Variants in TTC39C observed in about 807,000 individuals in gnomAD.
The protein encoded by TTC39C is tetratricopeptide repeat domain 39C, also known as tetratricopeptide repeat protein 39C.
TTC39C carries 33 observed loss-of-function variants against 76.3 expected under a neutral mutation model. That is an observed-to-expected ratio of 0.43 (90% CI 0.33 to 0.58). The LOEUF (loss-of-function observed/expected upper bound fraction) is 0.58. Among genes scored for constraint, TTC39C ranks in the 20% least tolerant of loss-of-function variants. TTC39C has a pLI of 0.04. For synonymous variants in TTC39C, 254 were observed against 260.6 expected (o/e 0.97, Z 0.24); for missense variants, 595 against 701.4 (o/e 0.85, Z 1.71).
intron 1 of TTC39C, among the ~76,000 whole-genome samples, chr18:24,002,865 C>T (rs10502442): frequency 0.074 from 11,328 of 152,244 alleles, 475 homozygotes; most frequent in Middle Eastern, 0.19. Context: ...AGAGAACTAA[C>T]AATTTCACAC....
At chr18:23,995,553 T>C (rs975246500) in intron 1 of TTC39C, among the ~76,000 whole-genome samples, 3 of 152,304 alleles carry the variant, frequency 2.0e-5, no homozygotes, top group East Asian at 1.9e-4. Context: ...CTGAGATCCA[T>C]CTAGGTCGTA....
intron 1 of TTC39C, among the ~76,000 whole-genome samples, chr18:24,063,859 A>G (rs1157563959): frequency 2.0e-5 from 3 of 152,164 alleles, no homozygotes; most frequent in South Asian, 4.1e-4. Flanking sequence ...TTTAACAGCC[A>G]CAGTTACAAA....
At chr18:24,061,226 C>CTT (rs1220887860) in intron 1 of TTC39C, among the ~76,000 whole-genome samples, 44 of 139,474 alleles carry the variant, frequency 3.2e-4, no homozygotes, top group African/African-American at 6.4e-4. Context: ...ATTTAGTCTT[C>CTT]TTTTTTTTTT....
intron 10 of TTC39C, among the ~76,000 whole-genome samples, chr18:24,126,202 G>GA (rs943681308): frequency 2.0e-5 from 3 of 149,794 alleles, no homozygotes; most frequent in East Asian, 2.0e-4. Flanking sequence ...AGAAAAAGGG[G>GA]AAAAAAAAAG....
chr18:24,052,208 T>C (rs532233926), intron 1 of TTC39C, among the ~76,000 whole-genome samples: 2 of 152,342 alleles, frequency 1.3e-5, no homozygotes, highest in Admixed American at 6.5e-5. Context: ...GATGATGACG[T>C]GAGTCAGAGT....
At chr18:24,086,985 G>A (rs1449380985) in intron 6 of TTC39C, among the ~76,000 whole-genome samples, 1 of 152,036 alleles carries the variant, frequency 6.6e-6, no homozygotes, top group African/African-American at 2.4e-5. Context: ...AGCAAGGCCT[G>A]TGATTGGCAA....
chr18:24,013,784 T>C (rs980125389), upstream of TTC39C, among the ~76,000 whole-genome samples: 1 of 152,222 alleles, frequency 6.6e-6, no homozygotes, highest in African/African-American at 2.4e-5. Context: ...GTCTCTAGAA[T>C]ATTAGGCATC....
At chr18:24,018,413 T>G (rs1380917404) in intron 1 of TTC39C, among the ~76,000 whole-genome samples, 1 of 152,120 alleles carries the variant, frequency 6.6e-6, no homozygotes, top group Non-Finnish European at 1.5e-5. Context: ...CCTTCCTCAC[T>G]CACTGTTTGC....
chr18:24,120,923 TCATC>T (rs1283237162), intron 8 of TTC39C: 7 of 152,262 alleles, frequency 4.6e-5, no homozygotes, highest in African/African-American at 1.7e-4. Context: ...GGCACATTGT[TCATC>T]CATTCATTCA....
chr18:24,113,486 G>C, intron 6 of TTC39C: 1 of 672,746 alleles, frequency 1.5e-6, no homozygotes, highest in African/African-American at 1.8e-5. Flanking sequence ...ATTGGAGGGG[G>C]AGGAAGCATA....
chr18:24,027,313 G>A (rs2083610858), intron 1 of TTC39C, among the ~76,000 whole-genome samples: 1 of 151,974 alleles, frequency 6.6e-6, no homozygotes, highest in African/African-American at 2.4e-5. Flanking sequence ...TAAAATTCAT[G>A]CTGCACAGCC....
chr18:24,059,637 C>A (rs2084065735), intron 1 of TTC39C, among the ~76,000 whole-genome samples: 1 of 152,174 alleles, frequency 6.6e-6, no homozygotes, highest in African/African-American at 2.4e-5. Flanking sequence ...TCGGTTGATT[C>A]CATGTCTTTG....
chr18:24,056,760 A>G (rs1242449089), intron 1 of TTC39C, among the ~76,000 whole-genome samples: 2 of 152,156 alleles, frequency 1.3e-5, no homozygotes, highest in East Asian at 3.8e-4. Context: ...GTTCATTTTA[A>G]AAAAGCAAAT....
chr18:24,036,409 G>A (rs2083733045), intron 1 of TTC39C, among the ~76,000 whole-genome samples: 1 of 152,124 alleles, frequency 6.6e-6, no homozygotes, highest in South Asian at 2.1e-4. Context: ...CTGCTTTATA[G>A]TTTTCAGTGT....
At chr18:24,120,801 G>T (rs1193655307) in intron 8 of TTC39C, among the ~76,000 whole-genome samples, 1 of 152,076 alleles carries the variant, frequency 6.6e-6, no homozygotes, top group Non-Finnish European at 1.5e-5. Flanking sequence ...TTGTCCTTTT[G>T]TGTCTGGCTT....
chr18:24,130,213 A>C (rs1370723038), intron 11 of TTC39C, 100 bp from the exon 12 acceptor site: 36 of 537,558 alleles, frequency 6.7e-5, no homozygotes. Context: ...TCTAGAAAAC[A>C]GAGTATGAGT....
intron 1 of TTC39C, among the ~76,000 whole-genome samples, chr18:24,046,231 C>T (rs911572282): frequency 1.3e-5 from 2 of 151,626 alleles, no homozygotes; most frequent in Non-Finnish European, 2.9e-5. Context: ...AGCCACCGTG[C>T]CCAGCCTGTG....
chr18:24,130,328 G>T lies in TTC39C; in HGVS notation c.1534G>T (p.Val512Phe). 1 of 1,578,702 alleles carries T rather than the reference G, an allele frequency of 6.3e-7. No homozygotes were observed. Among genetic ancestry groups the T allele is most frequent in the South Asian group, 1.2e-5 (1 of 85,544 alleles). ...EDAVQYFQRA[V>F]KDELCRQNNL... The stretch of plus-strand genomic sequence containing the variant: ...TTCCTTTCAGTACTTCCAGCGAGCT[G>T]TTAAAGATGAATTGTGTCGTCAGAA... Residue 512 changes from valine to phenylalanine, a missense_variant, in exon 12 of 14, where the codon GTT becomes TTT. Physicochemically the swap from Val to Phe is conservative, Grantham distance 50 (BLOSUM62 -1). Coordinates refer to ENST00000317571, the MANE Select transcript of TTC39C (RefSeq NM_001135993.2).
intron 5 of TTC39C, among the ~76,000 whole-genome samples, chr18:24,082,015 GTTTTTTTTTTT>G (rs35218868): frequency 5.8e-5 from 7 of 120,798 alleles, no homozygotes; most frequent in African/African-American, 1.3e-4. Flanking sequence ...TCTGGCTGTT[GTTTTTTTTTTT>G]TTTTTTTTTG....
Sources: gnomAD v4.1 joint callset for allele counts (sites outside exome capture counted in the v4.1 genomes callset) on GRCh38, gnomAD v4.1.1 for gene constraint, MANE v1.5 for transcripts, NCBI Gene and HGNC (gene_info 2026-07-23, HGNC 2026-07-21) for gene names.